ROBO2: variants seen among roughly 807,000 people sequenced by gnomAD.
ROBO2 encodes roundabout guidance receptor 2.
Under a neutral mutation model 160.8 loss-of-function variants are expected in ROBO2, and 53 were observed. The ratio of observed to expected loss-of-function variants is 0.33; its 90% CI spans 0.26 to 0.41. The LOEUF is 0.41. Ranked by LOEUF, ROBO2 falls within the 10% of genes least tolerant of loss-of-function variation. ROBO2 has a pLI of 1.00. For missense variants in ROBO2, 1,577 were observed against 1,722.4 expected, an observed-to-expected ratio of 0.92 and a Z score of 1.49; for synonymous variants, 664 against 611.7, an observed-to-expected ratio of 1.09 and a Z score of -1.26.
chr3:77,559,819 A>T (rs995560729), intron 9 of ROBO2, among the ~76,000 whole-genome samples: 2 of 151,978 alleles, frequency 1.3e-5, no homozygotes, highest in Non-Finnish European at 2.9e-5. Context: ...TTTATCTTTA[A>T]TTTTTGAGAT....
chr3:76,280,929 CTTG>C (rs1708198231), intron 2 of ROBO2, among the ~76,000 whole-genome samples: 1 of 151,854 alleles, frequency 6.6e-6, no homozygotes, highest in Non-Finnish European at 1.5e-5. Context: ...TGTTCTTATA[CTTG>C]TTGGTGGGAA....
chr3:76,292,508 C>A (rs1449260405), intron 2 of ROBO2, among the ~76,000 whole-genome samples: 1 of 152,166 alleles, frequency 6.6e-6, no homozygotes, highest in Non-Finnish European at 1.5e-5. Flanking sequence ...CTCTATTCCA[C>A]CCATTCTATC....
intron 2 of ROBO2, among the ~76,000 whole-genome samples, chr3:76,038,112 G>GA (rs1225473312): frequency 7.9e-5 from 12 of 151,942 alleles, no homozygotes; most frequent in Admixed American, 6.5e-5. Flanking sequence ...TGTGGAGCAA[G>GA]AAAAAAGAAA....
intron 2 of ROBO2, among the ~76,000 whole-genome samples, chr3:76,230,059 G>A (rs1211948442): frequency 1.3e-5 from 2 of 152,074 alleles, no homozygotes; most frequent in Non-Finnish European, 2.9e-5. Flanking sequence ...AAACAATCAA[G>A]CCTTTTCTTA....
At chr3:76,895,743 C>T (rs974467619) in intron 2 of ROBO2, among the ~76,000 whole-genome samples, 2 of 152,150 alleles carry the variant, frequency 1.3e-5, no homozygotes, top group Admixed American at 6.5e-5. Context: ...GAAAAGCTTT[C>T]ATGTTCCTTG....
intron 1 of ROBO2, among the ~76,000 whole-genome samples, chr3:77,075,581 TG>T (rs2067886179): frequency 6.6e-6 from 1 of 152,026 alleles, no homozygotes; most frequent in Admixed American, 6.6e-5. Flanking sequence ...GTAACTTTTT[TG>T]CATTTAAATG....
chr3:77,530,181 G>T (rs577004781), intron 6 of ROBO2, among the ~76,000 whole-genome samples: 3 of 152,048 alleles, frequency 2.0e-5, no homozygotes, highest in East Asian at 3.9e-4. Context: ...ACAGCTTGTA[G>T]TTCCAATATA....
At chr3:76,646,991 A>G (rs1310482512) in intron 2 of ROBO2, among the ~76,000 whole-genome samples, 1 of 152,126 alleles carries the variant, frequency 6.6e-6, no homozygotes, top group African/African-American at 2.4e-5. Context: ...GAAGCCTGGA[A>G]ATGTTAGAAC....
chr3:77,295,990 T>C (rs1236887400), intron 2 of ROBO2, among the ~76,000 whole-genome samples: 2 of 146,312 alleles, frequency 1.4e-5, no homozygotes, highest in Non-Finnish European at 3.0e-5. Context: ...TAAAGTAAAA[T>C]TGATGGTTAA....
intron 2 of ROBO2, among the ~76,000 whole-genome samples, chr3:76,632,218 T>G (rs960350227): frequency 3.9e-4 from 60 of 152,200 alleles, no homozygotes; most frequent in Admixed American, 2.0e-4. Flanking sequence ...TTAACTTCAG[T>G]AGAATCCTAT....
intron 2 of ROBO2, among the ~76,000 whole-genome samples, chr3:77,183,924 C>T (rs954439051): frequency 1.1e-4 from 16 of 152,026 alleles, no homozygotes; most frequent in Non-Finnish European, 2.2e-4. Context: ...TAGCACACAG[C>T]GTCAATTTTT....
chr3:76,886,022 T>C (rs1287363895), intron 2 of ROBO2, among the ~76,000 whole-genome samples: 1 of 152,078 alleles, frequency 6.6e-6, no homozygotes, highest in East Asian at 1.9e-4. Context: ...ATTTTTTCCT[T>C]CCCCCAAGGT....
intron 7 of ROBO2, among the ~76,000 whole-genome samples, chr3:77,548,453 GAC>G (rs1300923290): frequency 6.6e-6 from 1 of 151,942 alleles, no homozygotes; most frequent in African/African-American, 2.4e-5. Context: ...ATTATAATGT[GAC>G]TTGTTATTAT....
At chr3:76,729,024 T>C (rs1413613334) in intron 2 of ROBO2, among the ~76,000 whole-genome samples, 2 of 152,118 alleles carry the variant, frequency 1.3e-5, no homozygotes, top group African/African-American at 2.4e-5. Context: ...AAACATCTTA[T>C]AGTCACAATA....
intron 2 of ROBO2, among the ~76,000 whole-genome samples, chr3:77,296,650 A>G (rs989144581): frequency 3.9e-5 from 6 of 152,122 alleles, no homozygotes; most frequent in Non-Finnish European, 7.4e-5. Flanking sequence ...ATGCATAGCA[A>G]TGTTTGAGAA....
At chr3:77,225,520 A>G (rs934006682) in intron 2 of ROBO2, among the ~76,000 whole-genome samples, 2 of 151,836 alleles carry the variant, frequency 1.3e-5, no homozygotes, top group African/African-American at 4.8e-5. Context: ...TCAAAGTACA[A>G]TTTCTTGAAT....
chr3:76,035,546 C>A (rs563430946), intron 2 of ROBO2, among the ~76,000 whole-genome samples: 1 of 151,944 alleles, frequency 6.6e-6, no homozygotes, highest in Admixed American at 6.6e-5. Context: ...AAATAACCAG[C>A]AGACTGTTTA....
chr3:76,627,062 T>C (rs968230319), intron 2 of ROBO2, among the ~76,000 whole-genome samples: 2 of 152,178 alleles, frequency 1.3e-5, no homozygotes, highest in African/African-American at 4.8e-5. Flanking sequence ...AAATAACTTG[T>C]AGAGGTAGTG....
intron 2 of ROBO2, among the ~76,000 whole-genome samples, chr3:76,045,060 A>G (rs1347149566): frequency 1.3e-5 from 2 of 151,978 alleles, no homozygotes; most frequent in African/African-American, 4.8e-5. Context: ...ATGTTCCAGA[A>G]TTTTGATTTC....
Sources: allele counts gnomAD v4.1 joint callset (sites outside exome capture counted in the v4.1 genomes callset), GRCh38; gene constraint gnomAD v4.1.1; transcripts MANE v1.5; gene names NCBI Gene and HGNC (gene_info 2026-07-23, HGNC 2026-07-21).